The following SCYL2 variants were observed in gnomAD, a reference collection of about 807,000 sequenced individuals.
SCYL2 encodes the protein SCY1 like pseudokinase 2.
SCYL2 carries 36 observed loss-of-function variants against 100.4 expected under a neutral mutation model. The observed-to-expected ratio is 0.36, with a 90% CI of 0.27 to 0.47. SCYL2 has a LOEUF of 0.47. Ranked by LOEUF, SCYL2 falls within the 20% of genes least tolerant of loss-of-function variation. The pLI is 1.00. For missense variants in SCYL2, 902 were observed against 1,083.9 expected, an observed-to-expected ratio of 0.83 and a Z score of 2.36; for synonymous variants, 330 against 359.2, an observed-to-expected ratio of 0.92 and a Z score of 0.92.
At chr12:100,320,743 C>T (rs1025858629) in intron 10 of SCYL2, among the ~76,000 whole-genome samples, 5 of 151,428 alleles carry the variant, frequency 3.3e-5, no homozygotes, top group Non-Finnish European at 7.4e-5. Context: ...TTTAATAATA[C>T]AGGTGTTAGG....
At chr12:100,293,380 T>C (rs1276992145) in intron 3 of SCYL2, among the ~76,000 whole-genome samples, 1 of 152,214 alleles carries the variant, frequency 6.6e-6, no homozygotes, top group African/African-American at 2.4e-5. Context: ...CAAAGTAGAC[T>C]GGTTTTCCCA....
rs760191442 is a variant in SCYL2 at position 100,312,492 on chromosome 12, G to A, written c.691G>A (p.Glu231Lys). The change falls in exon 6 of 18, where the codon GAA becomes AAA. Residue 231 changes from glutamate to lysine, a missense_variant. Physicochemically the swap from Glu to Lys is moderately conservative, Grantham distance 56 (BLOSUM62 1). Coordinates refer to ENST00000360820, the MANE Select transcript of SCYL2 (RefSeq NM_017988.6). ...NLPSLCLPNP[E>K]YLAPEYILSV... ...ACCTTCATTGTGTCTTCCAAATCCTGAATATTTGGCTCCTGAATACATACT... is the reference window on the plus strand; with the variant it reads ...ACCTTCATTGTGTCTTCCAAATCCTAAATATTTGGCTCCTGAATACATACT... 1.9e-6 allele frequency: 3 copies of A among 1,613,786 alleles called. No homozygotes were observed. The South Asian group carries it at 3.3e-5, about 18-fold the overall frequency.
chr12:100,318,049 T>G (rs2096351137), intron 10 of SCYL2, 124 bp downstream of exon 10: 2 of 844,260 alleles, frequency 2.4e-6, no homozygotes, highest in Admixed American at 3.4e-5. Flanking sequence ...ATATTTATCT[T>G]TTGAATCACA....
At chr12:100,293,240 T>G (rs2135854761) in intron 3 of SCYL2, among the ~76,000 whole-genome samples, 1 of 152,274 alleles carries the variant, frequency 6.6e-6, no homozygotes, top group South Asian at 2.1e-4. Context: ...CACAGGTGCA[T>G]GCTGCTGCAC....
chr12:100,329,139 T>C, intron 12 of SCYL2, 62 bp from the exon 13 acceptor site: 1 of 832,080 alleles, frequency 1.2e-6, no homozygotes, highest in Non-Finnish European at 2.1e-6. Flanking sequence ...ATATATTATT[T>C]TCATGATTTC....
Position 100,341,066 on chromosome 12 carries a change from G to A in SCYL2, c.*1894G>A, listed in dbSNP as rs548746642. 103 of 151,944 alleles carry A rather than the reference G, an allele frequency of 6.8e-4. No individual in the cohort carries two copies. Among genetic ancestry groups the A allele is most frequent in the Middle Eastern group, 3.4e-3 (1 of 294 alleles). 9.4% of individuals were successfully genotyped at this position (151,944 alleles called of 1,614,324 possible). A position where few individuals can be genotyped will look rare whatever the true frequency, so the allele number is the denominator to read the frequency against. ...CTTAATATAACAGCTTATAGAACTT[G>A]AACTACTAAATATGAAAATAAGTCA... On this transcript the variant is annotated 3_prime_UTR_variant, in exon 18 of 18. Transcript: ENST00000360820.
At chr12:100,294,842 A>G (rs2096316842) in intron 3 of SCYL2, among the ~76,000 whole-genome samples, 2 of 146,654 alleles carry the variant, frequency 1.4e-5, no homozygotes, top group South Asian at 2.2e-4. Flanking sequence ...CTGGGCGGAG[A>G]CGCTCCTCAT....
At chr12:100,291,897 T>C in intron 3 of SCYL2, 1 of 433,080 alleles carries the variant, frequency 2.3e-6, no homozygotes, top group Non-Finnish European at 4.0e-6. Context: ...GTGGCTACCC[T>C]GTGCTCATGA....
intron 3 of SCYL2, among the ~76,000 whole-genome samples, chr12:100,294,361 G>C (rs1379124708): frequency 4.1e-4 from 46 of 113,340 alleles, no homozygotes; most frequent in Admixed American, 1.0e-3. Context: ...CTCCCAGACG[G>C]GGCGGCTGGC....
chr12:100,336,596 A>G (rs1406151377), intron 16 of SCYL2, among the ~76,000 whole-genome samples: 2 of 152,128 alleles, frequency 1.3e-5, no homozygotes, highest in Non-Finnish European at 2.9e-5. Context: ...TACATGATGT[A>G]TACATGACTT....
intron 3 of SCYL2, among the ~76,000 whole-genome samples, chr12:100,293,519 G>GT (rs368880318): frequency 5.9e-4 from 88 of 149,118 alleles, no homozygotes; most frequent in African/African-American, 1.0e-3. Context: ...GTATTTACAT[G>GT]TTTTTTTTTT....
intron 3 of SCYL2, among the ~76,000 whole-genome samples, chr12:100,296,440 G>A (rs1464492816): frequency 6.6e-6 from 1 of 152,140 alleles, no homozygotes; most frequent in African/African-American, 2.4e-5. Context: ...AAAAGGAGCA[G>A]AGTACTGAGG....
At chr12:100,331,882 A>G (rs1414024703) in intron 13 of SCYL2, among the ~76,000 whole-genome samples, 1 of 152,172 alleles carries the variant, frequency 6.6e-6, no homozygotes, top group Non-Finnish European at 1.5e-5. Context: ...CATTTTCAGC[A>G]TTTGAATAAA....
rs150213523 is a variant in SCYL2, at chr12:100,308,377, T to G, written c.481-2667T>G. 5.9e-5 allele frequency among the ~76,000 whole-genome samples: 9 copies of G among 152,208 alleles called. No homozygotes were observed. In the East Asian group the frequency reaches 1.5e-3, roughly 26 times the overall value. On this transcript the variant is annotated intron_variant, in intron 4 of 17. Coordinates refer to ENST00000360820, the MANE Select transcript of SCYL2 (RefSeq NM_017988.6). ...CTGGAAACTATCATTCTCAGCAGACTAACACAGAAACAGAAAACCAAACAC... is the reference window on the plus strand; with the variant it reads ...CTGGAAACTATCATTCTCAGCAGACGAACACAGAAACAGAAAACCAAACAC...
intron 1 of SCYL2, among the ~76,000 whole-genome samples, chr12:100,275,112 G>A (rs959760509): frequency 6.6e-6 from 1 of 151,982 alleles, no homozygotes; most frequent in Non-Finnish European, 1.5e-5. Flanking sequence ...TGCATAGCTT[G>A]TTAAATTTAT....
In SCYL2 at chr12:100,330,286, A is replaced by ATACCTAATT. The variant is rs561870665; in HGVS notation, c.1761+967_1761+968insTACCTAATT. Among the ~76,000 whole-genome samples, 92 of 152,290 alleles carry ATACCTAATT rather than the reference A, an allele frequency of 6.0e-4. No individual in the cohort carries two copies. In the South Asian group the frequency reaches 0.019, roughly 31 times the overall value. On this transcript the variant is annotated intron_variant, in intron 13 of 17. Coordinates refer to ENST00000360820, the MANE Select transcript of SCYL2 (RefSeq NM_017988.6). ...TCTGGTTTAGGTATTTGAACTTTCA[A>ATACCTAATT]GGTGTGGTAAATGTTTGAGTAAAGG... is the stretch of plus-strand genomic sequence containing the variant.
At chr12:100,294,404 C>A (rs1210340211) in intron 3 of SCYL2, among the ~76,000 whole-genome samples, 6 of 117,784 alleles carry the variant, frequency 5.1e-5, no homozygotes, top group East Asian at 2.6e-4. Context: ...ACCTCCCTCC[C>A]GGACGGGGCG....
chr12:100,286,333 T>G (rs775810885), intron 2 of SCYL2, among the ~76,000 whole-genome samples: 2 of 152,206 alleles, frequency 1.3e-5, no homozygotes, highest in African/African-American at 2.4e-5. Context: ...CACTTCTGTT[T>G]AGTTTGACAT....
chr12:100,338,927 C>T lies in SCYL2; in HGVS notation c.2545C>T (p.Pro849Ser). The change falls in exon 18 of 18, where the codon CCC becomes TCC. Residue 849 changes from proline to serine, a missense_variant. Physicochemically the swap from Pro to Ser is moderately conservative, Grantham distance 74 (BLOSUM62 -1). Coordinates refer to ENST00000360820, the MANE Select transcript of SCYL2 (RefSeq NM_017988.6). The part of the protein sequence containing the change: ...ALNNLFGPQK[P>S]KVSMNQLSQQ... The stretch of plus-strand genomic sequence containing the variant: ...TAATAATCTCTTTGGCCCTCAGAAA[C>T]CCAAAGTTAGCATGAACCAGTTATC... 1 of 1,614,140 alleles carries T rather than the reference C, an allele frequency of 6.2e-7. No homozygotes were observed. The highest frequency in any genetic ancestry group is 8.5e-7 in the Non-Finnish European group (1 of 1,179,978).
Sources: gnomAD v4.1 joint callset for allele counts (sites outside exome capture counted in the v4.1 genomes callset) on GRCh38, gnomAD v4.1.1 for gene constraint, MANE v1.5 for transcripts, NCBI Gene and HGNC (gene_info 2026-07-23, HGNC 2026-07-21) for gene names.